Variants in TDRD7 observed in about 807,000 individuals in gnomAD.
TDRD7 encodes the protein tudor domain-containing protein 7.
In TDRD7, 47 loss-of-function variants were observed where a neutral mutation model predicts 109.8. The ratio of observed to expected loss-of-function variants is 0.43; its 90% CI spans 0.34 to 0.55. The LOEUF (loss-of-function observed/expected upper bound fraction) is 0.55. TDRD7 is among the 20% of genes least tolerant of loss of function. The pLI is 0.03. For missense variants in TDRD7, 1,164 were observed against 1,319.2 expected (o/e 0.88, Z 1.82); for synonymous variants, 424 against 457.3 (o/e 0.93, Z 0.93).
intron 4 of TDRD7, among the ~76,000 whole-genome samples, chr9:97,437,290 TA>T (rs1223342232): frequency 2.6e-5 from 4 of 152,154 alleles, no homozygotes; most frequent in African/African-American, 9.7e-5. Context: ...CAGTTAAAGA[TA>T]AATCTGCTTT....
At chr9:97,488,116 G>C (rs1394352137) in intron 16 of TDRD7, among the ~76,000 whole-genome samples, 1 of 152,186 alleles carries the variant, frequency 6.6e-6, no homozygotes, top group African/African-American at 2.4e-5. Flanking sequence ...TTTTGTGAAA[G>C]CAATACAACT....
In TDRD7 at chr9:97,428,522, G is replaced by T; in HGVS notation, c.57G>T (p.Lys19Asn). Residue 19 changes from lysine to asparagine, a missense_variant, in exon 2 of 17, where the codon AAG becomes AAT. This residue lies in a region of TDRD7 where 101 missense variants were observed against 148.5 expected (regional missense o/e 0.68). Transcript: ENST00000355295. ...KMLRAVLQSHKNGVALPRLQG... is the reference protein window; with the variant it reads ...KMLRAVLQSHNNGVALPRLQG... The stretch of plus-strand genomic sequence containing the variant: ...TACGAGCTGTTCTGCAGTCTCATAA[G>T]AATGGAGTAGCATTACCCCGGCTCC... The T allele has an allele frequency of 6.2e-7, 1 of 1,614,074 alleles. No homozygotes were observed. Among genetic ancestry groups the T allele is most frequent in the East Asian group, 2.2e-5 (1 of 44,882 alleles).
rs1372554017 is a variant in TDRD7, at chr9:97,460,425, T to G, written c.1103T>G (p.Met368Arg). ...GCACTTCCGAAAGCATTTGAGGAAA[T>G]GTACAAAGTGAAATTCCCTGAGGAT... ...ASALPKAFEE[M>R]YKVKFPEDAL... The change falls in exon 7 of 17, where the codon ATG (methionine) becomes AGG (arginine). Residue 368 changes from methionine (M) to arginine (R), a missense_variant. Transcript: ENST00000355295. 1 of 1,614,160 alleles carries G rather than the reference T, an allele frequency of 6.2e-7. No individual in the cohort carries two copies. The highest frequency in any genetic ancestry group is 1.7e-5 in the Admixed American group (1 of 60,020).
At chr9:97,431,201 A>G in intron 3 of TDRD7, 127 bp downstream of exon 3, 1 of 1,385,188 alleles carries the variant, frequency 7.2e-7, no homozygotes. Flanking sequence ...GTCAGGGGAA[A>G]GATCCTGAAG....
chr9:97,460,960 C>T (rs1023324652), intron 7 of TDRD7, among the ~76,000 whole-genome samples, 196 bp downstream of exon 7: 32 of 151,850 alleles, frequency 2.1e-4, no homozygotes, highest in Admixed American at 1.8e-3. Flanking sequence ...GCTAACATGG[C>T]GAAACCCCGT....
At chr9:97,413,097 A>G (rs1827748414) in intron 1 of TDRD7, among the ~76,000 whole-genome samples, 1 of 152,140 alleles carries the variant, frequency 6.6e-6, no homozygotes, top group South Asian at 2.1e-4. Flanking sequence ...CAAACCAAAA[A>G]ACCACAGATC....
At chr9:97,442,876 A>G (rs942945725) in intron 6 of TDRD7, among the ~76,000 whole-genome samples, 1 of 151,922 alleles carries the variant, frequency 6.6e-6, no homozygotes, top group African/African-American at 2.4e-5. Context: ...GCTCACTGCA[A>G]CCTTCGCCTC....
At position 97,494,684 on chromosome 9, in the gene TDRD7, A is replaced by G. The variant is rs1003103207; in HGVS notation, c.3077-979A>G. The stretch of plus-strand genomic sequence containing the variant: ...CTTAATTGTATTTCTTGAAATATGT[A>G]TATATATATGTATATATATATATAT... On this transcript the variant is annotated intron_variant, in intron 16 of 16. Coordinates refer to ENST00000355295, the MANE Select transcript of TDRD7 (RefSeq NM_014290.3). Among the ~76,000 whole-genome samples, 17 of 146,266 alleles carry G rather than the reference A, an allele frequency of 1.2e-4. No individual in the cohort carries two copies. In the East Asian group the frequency reaches 2.5e-3, roughly 22 times the overall value.
chr9:97,445,031 A>T (rs975280006), intron 6 of TDRD7, among the ~76,000 whole-genome samples: 1 of 152,206 alleles, frequency 6.6e-6, no homozygotes, highest in Non-Finnish European at 1.5e-5. Flanking sequence ...GTGTACTGAG[A>T]GTTTTCAAAG....
chr9:97,464,808 C>G, intron 7 of TDRD7, 34 bp from the exon 8 acceptor site: 3 of 1,612,624 alleles, frequency 1.9e-6, no homozygotes, highest in Non-Finnish European at 2.5e-6. Flanking sequence ...TTCTAGGTTA[C>G]TTCATTTGCA....
At chr9:97,441,628 G>T in intron 5 of TDRD7, 30 bp from the exon 6 acceptor site, 1 of 1,521,956 alleles carries the variant, frequency 6.6e-7, no homozygotes, top group South Asian at 1.2e-5. Flanking sequence ...TAAGCATTTT[G>T]GTTAATTCTA....
chr9:97,467,939 G>T (rs554808376), intron 8 of TDRD7, among the ~76,000 whole-genome samples: 1 of 152,208 alleles, frequency 6.6e-6, no homozygotes, highest in Non-Finnish European at 1.5e-5. Flanking sequence ...AAGCAAAAGA[G>T]AAGATTCAAG....
intron 8 of TDRD7, among the ~76,000 whole-genome samples, chr9:97,467,488 A>G (rs1433293564): frequency 6.6e-6 from 1 of 152,162 alleles, no homozygotes; most frequent in African/African-American, 2.4e-5. Flanking sequence ...AAACACTCCC[A>G]TCGTGTTGTA....
chr9:97,446,718 G>C (rs1162545319), intron 6 of TDRD7, among the ~76,000 whole-genome samples: 1 of 152,054 alleles, frequency 6.6e-6, no homozygotes, highest in African/African-American at 2.4e-5. Flanking sequence ...TATATTTGGG[G>C]ATGTTCAGGA....
chr9:97,444,329 T>A (rs2118384567), intron 6 of TDRD7, among the ~76,000 whole-genome samples: 1 of 152,358 alleles, frequency 6.6e-6, no homozygotes, highest in Non-Finnish European at 1.5e-5. Context: ...TCAAGTGGGA[T>A]GCCAGAAAAC....
intron 1 of TDRD7, among the ~76,000 whole-genome samples, chr9:97,421,290 G>A (rs1257957422): frequency 6.6e-6 from 1 of 152,186 alleles, no homozygotes; most frequent in African/African-American, 2.4e-5. Flanking sequence ...TAGATGTGTA[G>A]TGATACTTCA....
chr9:97,473,440 A>G, intron 10 of TDRD7, 52 bp from the exon 11 acceptor site: 1 of 1,612,248 alleles, frequency 6.2e-7, no homozygotes, highest in South Asian at 1.1e-5. Flanking sequence ...TAGGTAGGTA[A>G]GAGCTGCATT....
intron 12 of TDRD7, among the ~76,000 whole-genome samples, chr9:97,477,308 A>G (rs1829040320): frequency 6.6e-6 from 1 of 152,198 alleles, no homozygotes; most frequent in Non-Finnish European, 1.5e-5. Flanking sequence ...ATTGTCCCAC[A>G]AAGTACTTTT....
At chr9:97,483,408 G>T in intron 15 of TDRD7, 57 bp downstream of exon 15, 2 of 1,596,570 alleles carry the variant, frequency 1.3e-6, no homozygotes, top group Non-Finnish European at 1.7e-6. Context: ...GTAAAATGAT[G>T]CCAGAGTCTT....
Sources: gnomAD v4.1 joint callset for allele counts (sites outside exome capture counted in the v4.1 genomes callset) on GRCh38, gnomAD v4.1.1 for gene constraint, gnomAD v4.1.1 regional missense constraint, MANE v1.5 for transcripts, NCBI Gene and HGNC (gene_info 2026-07-23, HGNC 2026-07-21) for gene names.